PATL1: variants seen among roughly 807,000 people sequenced by gnomAD.
The protein encoded by PATL1 is protein PAT1 homolog 1.
In PATL1, 32 loss-of-function variants were observed where a neutral mutation model predicts 100.6. The ratio of observed to expected loss-of-function variants is 0.32; its 90% CI spans 0.24 to 0.43. The LOEUF (loss-of-function observed/expected upper bound fraction) is 0.43, where lower values mean the gene tolerates loss of function less well. PATL1 is among the 20% of genes least tolerant of loss of function. PATL1 has a pLI of 1.00. For missense variants in PATL1, 747 were observed against 949.9 expected (o/e 0.79, Z 2.81); for synonymous variants, 332 against 330.0 (o/e 1.01, Z -0.07).
rs1489029612 is a variant in PATL1 at position 59,668,909 on chromosome 11, G to A, written c.-14C>T. The A allele has an allele frequency of 1.1e-5, 8 of 746,920 alleles. No individual in the cohort carries two copies. The highest frequency in any genetic ancestry group is 7.4e-5 in the African/African-American group (4 of 54,006). 46.3% of individuals were successfully genotyped at this position (746,920 alleles called of 1,614,324 possible). A position where few individuals can be genotyped will look rare whatever the true frequency, so the allele number is the denominator to read the frequency against. On this transcript the variant is annotated 5_prime_UTR_variant, in exon 1 of 19. Transcript: ENST00000300146. Reference sequence around the variant, plus strand: ...GTAGCGGAACATTCTTGGGGAGGGGGGCAGGGAGCGGGGAGGGGAGAGGGG... The same window carrying A: ...GTAGCGGAACATTCTTGGGGAGGGGAGCAGGGAGCGGGGAGGGGAGAGGGG...
chr11:59,648,103 ATG>A (rs1222582549), intron 14 of PATL1, among the ~76,000 whole-genome samples, 190 bp from the exon 15 acceptor site: 1 of 152,124 alleles, frequency 6.6e-6, no homozygotes, highest in Non-Finnish European at 1.5e-5. Flanking sequence ...GGTCTTACAA[ATG>A]TAGAAAATAA....
In PATL1 at chr11:59,636,757, A is replaced by C. The variant is rs1247760695; in HGVS notation, c.*1633T>G. 1 of 152,608 alleles carries C rather than the reference A, an allele frequency of 6.6e-6. No homozygotes were observed. The highest frequency in any genetic ancestry group is 2.4e-5 in the African/African-American group (1 of 41,444). The allele number at this position is 152,608 out of a possible 1,614,324, so 9.5% of individuals were successfully genotyped here. A position where few individuals can be genotyped will look rare whatever the true frequency, so the allele number is the denominator to read the frequency against. On this transcript the variant is annotated 3_prime_UTR_variant, in exon 19 of 19. Transcript: ENST00000300146. ...TTGTTTTTATTTACAATACCCTATA[A>C]AAATGTAAATTTAGAAACTTTTATT... is the stretch of plus-strand genomic sequence containing the variant.
In PATL1 at chr11:59,638,272, A is replaced by C; in HGVS notation, c.*118T>G. 1 of 1,025,680 alleles carries C rather than the reference A, an allele frequency of 9.7e-7. No homozygotes were observed. Among genetic ancestry groups the C allele is most frequent in the Non-Finnish European group, 1.5e-6 (1 of 669,032 alleles). 63.5% of individuals were successfully genotyped at this position (1,025,680 alleles called of 1,614,324 possible). A position where few individuals can be genotyped will look rare whatever the true frequency, so the allele number is the denominator to read the frequency against. On this transcript the variant is annotated 3_prime_UTR_variant, in exon 19 of 19. Transcript: ENST00000300146. ...ACCCCTGTAAACAGGAATCGATCCC[A>C]CAAGACTTTGCTTTGGGGAAAAAGC...
intron 13 of PATL1, among the ~76,000 whole-genome samples, chr11:59,650,553 T>C (rs1193993016): frequency 6.6e-6 from 1 of 152,232 alleles, no homozygotes; most frequent in African/African-American, 2.4e-5. Context: ...ACTGCAGTGT[T>C]CTTTCCATGA....
intron 2 of PATL1, among the ~76,000 whole-genome samples, chr11:59,661,310 T>TCCTG (rs1190728853): frequency 6.6e-6 from 1 of 152,122 alleles, no homozygotes; most frequent in African/African-American, 2.4e-5. Flanking sequence ...GGTCTTAAGC[T>TCCTG]CCTGGGCTCA....
rs1317277013 is a variant in PATL1 at position 59,647,760 on chromosome 11, T to C, written c.1887A>G (p.Gln629=). Residue 629 remains glutamine (Q), a synonymous_variant, in exon 15 of 19, where the codon CAA becomes CAG. Transcript: ENST00000300146. Reference sequence around the variant, plus strand: ...TCCCATCTTGCATAGTCACCTCATCTTGTGCATCCTTCTTGATAAGGAAAG... The same window carrying C: ...TCCCATCTTGCATAGTCACCTCATCCTGTGCATCCTTCTTGATAAGGAAAG... ...NLPFLIKKDA[Q]DEVLPCLLSP... 1.2e-6 allele frequency: 2 copies of C among 1,613,964 alleles called. No individual in the cohort carries two copies. Among genetic ancestry groups the C allele is most frequent in the African/African-American group, 2.7e-5 (2 of 75,068 alleles).
chr11:59,650,211 CATAGAAAGGTTAA>C (rs1189519564), intron 13 of PATL1, among the ~76,000 whole-genome samples: 2 of 151,132 alleles, frequency 1.3e-5, no homozygotes, highest in Non-Finnish European at 2.9e-5. Flanking sequence ...CTGAGGACAG[CATAGAAAGGTTAA>C]ATAACTTGCC....
intron 2 of PATL1, among the ~76,000 whole-genome samples, chr11:59,664,640 T>A (rs1221095788): frequency 6.6e-6 from 1 of 152,232 alleles, no homozygotes; most frequent in Non-Finnish European, 1.5e-5. Flanking sequence ...AGTGGCACCA[T>A]CATAGCTGAT....
chr11:59,665,499 G>A (rs1345686202), intron 2 of PATL1, among the ~76,000 whole-genome samples: 2 of 152,158 alleles, frequency 1.3e-5, no homozygotes, highest in Non-Finnish European at 2.9e-5. Flanking sequence ...CTATTCATTT[G>A]CTTAAAAATA....
chr11:59,661,618 CAG>C (rs1416351637), intron 2 of PATL1, among the ~76,000 whole-genome samples: 1 of 152,092 alleles, frequency 6.6e-6, no homozygotes, highest in East Asian at 1.9e-4. Flanking sequence ...AACACAGAAA[CAG>C]AGACTTTCTT....
At chr11:59,663,204 C>T (rs1025371861) in intron 2 of PATL1, among the ~76,000 whole-genome samples, 2 of 151,966 alleles carry the variant, frequency 1.3e-5, no homozygotes, top group Non-Finnish European at 2.9e-5. Flanking sequence ...AGAGATTATC[C>T]GTAATAACGA....
intron 8 of PATL1, 27 bp from the exon 9 acceptor site, chr11:59,654,099 A>G (rs1175656987): frequency 6.4e-7 from 1 of 1,573,978 alleles, no homozygotes; most frequent in Non-Finnish European, 8.7e-7. Context: ...AGAGGTTCTC[A>G]GTTTGGTCAT....
chr11:59,661,480 T>A (rs896112638), intron 2 of PATL1, among the ~76,000 whole-genome samples: 3 of 152,226 alleles, frequency 2.0e-5, no homozygotes, highest in Non-Finnish European at 4.4e-5. Context: ...CTTTACCTCA[T>A]CTCTATATGC....
At chr11:59,646,720 T>C (rs77617228) in intron 15 of PATL1, among the ~76,000 whole-genome samples, 7,091 of 152,312 alleles carry the variant, frequency 0.047, 364 homozygotes, top group Admixed American at 0.13. Context: ...TCTACTATTC[T>C]GAATCTTGTA....
intron 2 of PATL1, 60 bp from the exon 3 acceptor site, chr11:59,659,529 C>T: frequency 7.3e-7 from 1 of 1,361,652 alleles, no homozygotes; most frequent in Non-Finnish European, 1.0e-6. Context: ...AAGTTTTACA[C>T]AATTATTGTT....
chr11:59,646,028 T>A (rs891363020), intron 15 of PATL1, among the ~76,000 whole-genome samples: 5 of 152,204 alleles, frequency 3.3e-5, no homozygotes, highest in African/African-American at 9.6e-5. Flanking sequence ...TGCATTCTTA[T>A]CTTTTAGCAC....
chr11:59,661,122 G>A (rs1364055593), intron 2 of PATL1, among the ~76,000 whole-genome samples: 2 of 152,116 alleles, frequency 1.3e-5, no homozygotes, highest in African/African-American at 2.4e-5. Context: ...GGGTCTCACT[G>A]TCGTCCAGGT....
At chr11:59,664,020 A>C (rs1861657978) in intron 2 of PATL1, among the ~76,000 whole-genome samples, 2 of 152,282 alleles carry the variant, frequency 1.3e-5, no homozygotes, top group Middle Eastern at 3.4e-3. Context: ...ATTCCAGTAC[A>C]TTACACTCTC....
chr11:59,651,814 C>T (rs1270336711), intron 11 of PATL1, among the ~76,000 whole-genome samples, 173 bp from the exon 12 acceptor site: 1 of 151,990 alleles, frequency 6.6e-6, no homozygotes, highest in African/African-American at 2.4e-5. Context: ...CCTGTTATCT[C>T]AGCACTTTGG....
Sources: allele counts gnomAD v4.1 joint callset (sites outside exome capture counted in the v4.1 genomes callset), GRCh38; gene constraint gnomAD v4.1.1; transcripts MANE v1.5; gene names NCBI Gene and HGNC (gene_info 2026-07-23, HGNC 2026-07-21).